SPATS2: variants seen among roughly 807,000 people sequenced by gnomAD.
The protein encoded by SPATS2 is spermatogenesis associated serine rich 2.
A neutral mutation model predicts 63.7 loss-of-function variants in SPATS2; 38 were observed. The ratio of observed to expected loss-of-function variants is 0.60; its 90% CI spans 0.46 to 0.78. SPATS2 has a LOEUF of 0.78. Among genes scored for constraint, SPATS2 ranks in the 30% least tolerant of loss-of-function variants. SPATS2 has a pLI of 0.00. For missense variants in SPATS2, 588 were observed against 666.2 expected, an observed-to-expected ratio of 0.88 and a Z score of 1.29; for synonymous variants, 207 against 232.9, an observed-to-expected ratio of 0.89 and a Z score of 1.01.
In SPATS2 at chr12:49,476,319, G is replaced by A. The variant is rs1433846176; in HGVS notation, c.26-8271G>A. On this transcript the variant is annotated intron_variant, in intron 3 of 13. Coordinates refer to ENST00000552918, the MANE Select transcript of SPATS2 (RefSeq NM_023071.4). ...GGGCAGTAGGAGGAGAGCCTGGTCC[G>A]CCTAGTGGCCCGACTCCAGGGAAAA... Among the ~76,000 whole-genome samples the A allele has an allele frequency of 5.9e-5, 9 of 152,234 alleles. No homozygotes were observed. In the East Asian group the frequency reaches 1.5e-3, roughly 26 times the overall value.
At position 49,421,051 on chromosome 12, in the gene SPATS2, A is replaced by T. The variant is rs544578686; in HGVS notation, c.-243-39719A>T. Among the ~76,000 whole-genome samples the T allele has an allele frequency of 2.9e-3, 438 of 152,242 alleles. 2 individuals carry two copies. Among genetic ancestry groups the T allele is most frequent in the African/African-American group, 0.01 (417 of 41,540 alleles). Reference sequence around the variant, plus strand: ...TGAAATTAATTTACAGACCAATCCAAAACTGGCTTTTTCCACCAGGAAAAA... The same window carrying T: ...TGAAATTAATTTACAGACCAATCCATAACTGGCTTTTTCCACCAGGAAAAA... On this transcript the variant is annotated intron_variant, in intron 2 of 13. Transcript: ENST00000552918.
At chr12:49,372,419 T>C (rs1341294622) in intron 2 of SPATS2, among the ~76,000 whole-genome samples, 4 of 152,198 alleles carry the variant, frequency 2.6e-5, no homozygotes, top group Non-Finnish European at 4.4e-5. Flanking sequence ...CTTTCTCTAT[T>C]GACTTTTTCT....
intron 2 of SPATS2, chr12:49,390,016 T>G (rs1944392157): frequency 1.1e-6 from 1 of 896,762 alleles, no homozygotes; most frequent in Non-Finnish European, 1.9e-6. Flanking sequence ...AGAACTAATA[T>G]TTCAACTTGA....
At chr12:49,509,205 G>A (rs541390405) in intron 9 of SPATS2, among the ~76,000 whole-genome samples, 15 of 151,426 alleles carry the variant, frequency 9.9e-5, no homozygotes, top group Middle Eastern at 6.9e-3. Flanking sequence ...TATTGGAAAA[G>A]GAAAGAAAGG....
chr12:49,479,422 C>T (rs1315692000), intron 3 of SPATS2, among the ~76,000 whole-genome samples: 2 of 152,220 alleles, frequency 1.3e-5, no homozygotes, highest in Admixed American at 6.5e-5. Context: ...GCCAGACAAG[C>T]AGGAGCAGGC....
At chr12:49,368,538 A>G (rs143067181) in intron 1 of SPATS2, among the ~76,000 whole-genome samples, 66 of 152,284 alleles carry the variant, frequency 4.3e-4, no homozygotes, top group Middle Eastern at 3.4e-3. Context: ...TAGAATTGCA[A>G]TTTCTCACTG....
chr12:49,410,306 C>T (rs1352561807), intron 2 of SPATS2, among the ~76,000 whole-genome samples: 5 of 152,046 alleles, frequency 3.3e-5, no homozygotes, highest in African/African-American at 7.2e-5. Flanking sequence ...GAACTCCTGA[C>T]CTCAAGTGAT....
chr12:49,464,166 T>C (rs1430276078), intron 3 of SPATS2, among the ~76,000 whole-genome samples: 6 of 152,220 alleles, frequency 3.9e-5, no homozygotes, highest in Non-Finnish European at 5.9e-5. Flanking sequence ...TGATTATTTT[T>C]AGTAAATTTA....
intron 2 of SPATS2, among the ~76,000 whole-genome samples, chr12:49,414,897 C>G (rs914354602): frequency 6.6e-6 from 1 of 150,656 alleles, no homozygotes; most frequent in African/African-American, 2.4e-5. Context: ...CTGTGCCTAG[C>G]CCAGGGAGCA....
At position 49,496,888 on chromosome 12, in the gene SPATS2, C is replaced by T. The variant is rs767132052; in HGVS notation, c.582C>T (p.His194=). The change falls in exon 8 of 14, where the codon CAC becomes CAT. Residue 194 remains histidine, a synonymous_variant. Coordinates refer to ENST00000552918, the MANE Select transcript of SPATS2 (RefSeq NM_023071.4). ...TTGAGACCAAGTCTTTGACTATGCA[C>T]TCTATTCACAATTCTCAACAACCCA... The part of the protein sequence containing the change: ...SDFETKSLTM[H]SIHNSQQPRN... 5.6e-6 allele frequency: 9 copies of T among 1,613,938 alleles called. No individual in the cohort carries two copies. The highest frequency in any genetic ancestry group is 2.7e-5 in the African/African-American group (2 of 74,910).
chr12:49,401,969 G>A (rs1056632855), intron 2 of SPATS2, among the ~76,000 whole-genome samples: 1 of 151,056 alleles, frequency 6.6e-6, no homozygotes, highest in African/African-American at 2.4e-5. Context: ...TTGTTTTATT[G>A]ATTGATTGAT....
intron 11 of SPATS2, among the ~76,000 whole-genome samples, chr12:49,522,155 G>C (rs1477083598): frequency 1.3e-5 from 2 of 152,100 alleles, no homozygotes; most frequent in African/African-American, 4.8e-5. Flanking sequence ...TTGACTCAAG[G>C]GGTTGGTTAC....
At chr12:49,441,490 A>G (rs914941811) in intron 2 of SPATS2, among the ~76,000 whole-genome samples, 1 of 152,180 alleles carries the variant, frequency 6.6e-6, no homozygotes, top group Non-Finnish European at 1.5e-5. Context: ...AAAGAGAAGT[A>G]GATATGTTCT....
intron 2 of SPATS2, among the ~76,000 whole-genome samples, chr12:49,384,884 A>G (rs542131396): frequency 1.3e-5 from 2 of 151,758 alleles, no homozygotes; most frequent in Middle Eastern, 3.4e-3. Flanking sequence ...ACCTTGGCTC[A>G]CCGCAACCTT....
intron 3 of SPATS2, among the ~76,000 whole-genome samples, chr12:49,480,785 G>A (rs1946193140): frequency 1.4e-5 from 2 of 147,108 alleles, no homozygotes; most frequent in South Asian, 2.1e-4. Flanking sequence ...TGCCACACTT[G>A]TTGTTTTCTG....
chr12:49,449,421 G>T (rs539173282), intron 2 of SPATS2, among the ~76,000 whole-genome samples: 2 of 152,098 alleles, frequency 1.3e-5, no homozygotes, highest in South Asian at 4.1e-4. Flanking sequence ...TCACCATGTT[G>T]GTTAGGCTGA....
Position 49,375,686 on chromosome 12 carries a change from G to A in SPATS2, c.-244+4396G>A, listed in dbSNP as rs1383793774. Among the ~76,000 whole-genome samples, 3 of 152,184 alleles carry A rather than the reference G, an allele frequency of 2.0e-5. No homozygotes were observed. The East Asian group carries it at 5.8e-4, about 29-fold the overall frequency. ...TTTGTATAGCATGCCTTCATAAGAA[G>A]CTTTGTGACATGTGATGAAAACAGT... On this transcript the variant is annotated intron_variant, in intron 2 of 13. Transcript: ENST00000552918.
At chr12:49,489,383 C>T (rs900889035) in intron 4 of SPATS2, 82 bp from the exon 5 acceptor site, 7 of 995,974 alleles carry the variant, frequency 7.0e-6, no homozygotes, top group Non-Finnish European at 1.1e-5. Flanking sequence ...AAATATCACT[C>T]TTTTCATTAT....
chr12:49,459,444 A>G (rs1204811174), intron 2 of SPATS2, among the ~76,000 whole-genome samples: 1 of 151,888 alleles, frequency 6.6e-6, no homozygotes, highest in African/African-American at 2.4e-5. Flanking sequence ...CGCCTCCTGG[A>G]TTCAAGTGAT....
Sources: gnomAD v4.1 joint callset for allele counts (sites outside exome capture counted in the v4.1 genomes callset) on GRCh38, gnomAD v4.1.1 for gene constraint, MANE v1.5 for transcripts, NCBI Gene and HGNC (gene_info 2026-07-23, HGNC 2026-07-21) for gene names.